The following AGMO variants were observed in gnomAD, a reference collection of about 807,000 sequenced individuals.
The protein encoded by AGMO is glyceryl-ether monooxygenase.
AGMO carries 75 observed loss-of-function variants against 60.2 expected under a neutral mutation model. The observed-to-expected ratio is 1.25, with a 90% CI of 1.03 to 1.51. The LOEUF (loss-of-function observed/expected upper bound fraction) is 1.51, where lower values mean the gene tolerates loss of function less well. AGMO is among the 40% of genes most tolerant of loss of function. The pLI, the probability that AGMO is intolerant of heterozygous loss-of-function variation, is 0.00. For synonymous variants in AGMO, 261 were observed against 177.1 expected (o/e 1.47, Z -3.76); for missense variants, 763 against 525.5 (o/e 1.45, Z -4.42).
At chr7:15,403,090 T>C (rs1784597386) in intron 5 of AGMO, among the ~76,000 whole-genome samples, 1 of 151,956 alleles carries the variant, frequency 6.6e-6, no homozygotes, top group African/African-American at 2.4e-5. Context: ...AAATCACTCA[T>C]TTTTCTTTCT....
intron 10 of AGMO, among the ~76,000 whole-genome samples, chr7:15,370,328 T>A (rs531780271): frequency 6.6e-6 from 1 of 152,226 alleles, no homozygotes; most frequent in African/African-American, 2.4e-5. Context: ...GTTGCTTCCA[T>A]GTCTTTGCTA....
At chr7:15,337,650 AC>A (rs1781704841) in intron 12 of AGMO, among the ~76,000 whole-genome samples, 1 of 152,180 alleles carries the variant, frequency 6.6e-6, no homozygotes, top group Non-Finnish European at 1.5e-5. Context: ...CCACCTGCTC[AC>A]CCTCAACAAT....
chr7:15,207,179 C>A (rs933286238), intron 12 of AGMO, among the ~76,000 whole-genome samples: 4 of 152,096 alleles, frequency 2.6e-5, no homozygotes, highest in Non-Finnish European at 4.4e-5. Context: ...CCAGAGCCTA[C>A]CCATAATTCA....
At position 15,335,149 on chromosome 7, in the gene AGMO, T is replaced by C. The variant is rs574308045; in HGVS notation, c.1263+30365A>G. Among the ~76,000 whole-genome samples the C allele has an allele frequency of 6.6e-5, 10 of 152,308 alleles. No individual in the cohort carries two copies. The South Asian group carries it at 2.1e-3, about 32-fold the overall frequency. ...GTGTTCCATTTCTTAACTGGTTTCGTGTAAAATAAATCAGCTGAAGTGATG... is the reference window on the plus strand; with the variant it reads ...GTGTTCCATTTCTTAACTGGTTTCGCGTAAAATAAATCAGCTGAAGTGATG... On this transcript the variant is annotated intron_variant, in intron 12 of 12. Transcript: ENST00000342526.
the AGMO span, among the ~76,000 whole-genome samples, chr7:15,134,316 T>C: frequency 1.3e-5 from 2 of 152,170 alleles, no homozygotes; most frequent in Admixed American, 6.6e-5. Context: ...GTGTGCACCA[T>C]GCACCACCAT....
chr7:15,207,670 C>G (rs987559663), intron 12 of AGMO, among the ~76,000 whole-genome samples: 1 of 152,150 alleles, frequency 6.6e-6, no homozygotes, highest in Non-Finnish European at 1.5e-5. Context: ...CGTGGTGGCT[C>G]ACGCCTGTAA....
At chr7:15,283,248 T>C (rs1007867890) in intron 12 of AGMO, among the ~76,000 whole-genome samples, 3 of 152,086 alleles carry the variant, frequency 2.0e-5, no homozygotes, top group African/African-American at 7.2e-5. Flanking sequence ...TAATGTTGAA[T>C]GTAAATGCCC....
chr7:15,158,555 T>C, the AGMO span, among the ~76,000 whole-genome samples: 1 of 152,234 alleles, frequency 6.6e-6, no homozygotes, highest in Non-Finnish European at 1.5e-5. Flanking sequence ...TGAGTCTTAC[T>C]GTGGAATCAC....
intron 12 of AGMO, among the ~76,000 whole-genome samples, chr7:15,286,309 T>G (rs1347829821): frequency 6.6e-6 from 1 of 152,080 alleles, no homozygotes; most frequent in African/African-American, 2.4e-5. Context: ...AGAAAGTATT[T>G]GCAAACTATG....
At chr7:15,249,145 T>A (rs905090760) in intron 12 of AGMO, among the ~76,000 whole-genome samples, 1 of 152,172 alleles carries the variant, frequency 6.6e-6, no homozygotes, top group Non-Finnish European at 1.5e-5. Flanking sequence ...AGAAATAGTA[T>A]TCATGTGTGT....
intron 12 of AGMO, among the ~76,000 whole-genome samples, chr7:15,272,821 C>T (rs577218902): frequency 2.4e-4 from 37 of 152,050 alleles, no homozygotes; most frequent in African/African-American, 4.6e-4. Context: ...TTTTAATGAT[C>T]GCCATTCTAA....
chr7:15,536,856 T>G lies in AGMO; in HGVS notation c.409+7916A>C, dbSNP rs182402534. Among the ~76,000 whole-genome samples the G allele has an allele frequency of 5.8e-3, 876 of 152,052 alleles. 1 individual carries two copies. Among genetic ancestry groups the G allele is most frequent in the Middle Eastern group, 0.031 (9 of 294 alleles). ...GCTATTTTATATGGTAACGCTAAAT[T>G]TAGTCATAATTATACTTGTTCAATA... On this transcript the variant is annotated intron_variant, in intron 3 of 12. Coordinates refer to ENST00000342526, the MANE Select transcript of AGMO (RefSeq NM_001004320.2).
At chr7:15,317,558 A>C (rs1274762391) in intron 12 of AGMO, among the ~76,000 whole-genome samples, 1 of 152,192 alleles carries the variant, frequency 6.6e-6, no homozygotes, top group South Asian at 2.1e-4. Context: ...GTTTGTCTAA[A>C]ATTTCTTACC....
At chr7:15,128,925 A>G in the AGMO span, among the ~76,000 whole-genome samples, 8 of 152,100 alleles carry the variant, frequency 5.3e-5, no homozygotes, top group Admixed American at 1.3e-4. Flanking sequence ...CATTTGGCAG[A>G]TACTCAAAGG....
At chr7:15,368,426 T>C (rs927836714) in intron 10 of AGMO, among the ~76,000 whole-genome samples, 5 of 152,064 alleles carry the variant, frequency 3.3e-5, no homozygotes, top group Admixed American at 1.3e-4. Context: ...GGAGAAATGA[T>C]TTGTGTCAAA....
intron 5 of AGMO, among the ~76,000 whole-genome samples, chr7:15,398,588 G>A (rs904493536): frequency 6.6e-6 from 1 of 152,068 alleles, no homozygotes; most frequent in Non-Finnish European, 1.5e-5. Context: ...CTTAATTATC[G>A]CCTATTTTTG....
At chr7:15,268,542 A>G (rs546091553) in intron 12 of AGMO, among the ~76,000 whole-genome samples, 2 of 152,142 alleles carry the variant, frequency 1.3e-5, no homozygotes, top group South Asian at 2.1e-4. Context: ...GAATTATATT[A>G]ATTCAGTGTG....
intron 3 of AGMO, among the ~76,000 whole-genome samples, chr7:15,521,676 T>G (rs1049699598): frequency 1.3e-5 from 2 of 152,092 alleles, no homozygotes; most frequent in African/African-American, 4.8e-5. Context: ...CTCAATAAAC[T>G]AGGTATTGAT....
chr7:15,181,150 T>G, the AGMO span, among the ~76,000 whole-genome samples: 4 of 152,226 alleles, frequency 2.6e-5, no homozygotes, highest in Non-Finnish European at 5.9e-5. Flanking sequence ...ACATGAGTTT[T>G]GGAGAAGACA....
Sources: gnomAD v4.1 joint callset for allele counts (sites outside exome capture counted in the v4.1 genomes callset) on GRCh38, gnomAD v4.1.1 for gene constraint, MANE v1.5 for transcripts, NCBI Gene and HGNC (gene_info 2026-07-23, HGNC 2026-07-21) for gene names.